Variants in ADCY8 observed in about 807,000 individuals in gnomAD.
The protein encoded by ADCY8 is adenylate cyclase 8, also known as adenylate cyclase type 8.
In ADCY8, 51 loss-of-function variants were observed where a neutral mutation model predicts 119.7. The ratio of observed to expected loss-of-function variants is 0.43; its 90% CI spans 0.34 to 0.54. The LOEUF is 0.54. Among genes scored for constraint, ADCY8 ranks in the 20% least tolerant of loss-of-function variants. The pLI, the probability that ADCY8 is intolerant of heterozygous loss-of-function variation, is 0.03. For missense variants in ADCY8, 1,383 were observed against 1,598.8 expected (o/e 0.87, Z 2.30); for synonymous variants, 665 against 651.0 (o/e 1.02, Z -0.33).
At chr8:130,943,312 C>T (rs1241519583) in intron 4 of ADCY8, 39 bp downstream of exon 4, 4 of 1,424,182 alleles carry the variant, frequency 2.8e-6, no homozygotes, top group Non-Finnish European at 4.0e-6. Context: ...CAGTCCCTCA[C>T]TCCTGCAAAA....
chr8:131,002,161 A>G (rs2130764245), intron 1 of ADCY8, among the ~76,000 whole-genome samples: 1 of 152,382 alleles, frequency 6.6e-6, no homozygotes, highest in South Asian at 2.1e-4. Context: ...ACCTGGAAAC[A>G]GGAATACCTT....
rs73342426 is a variant in ADCY8, at chr8:130,806,904, A to G, written c.2914-6332T>C. On this transcript the variant is annotated intron_variant, in intron 14 of 17. Transcript: ENST00000286355. ...TGAGGGGCACACGGAGGAGCTCTGG[A>G]CAACCTACATACACCTTCCGAGACA... Among the ~76,000 whole-genome samples the G allele has an allele frequency of 1.5e-3, 231 of 152,262 alleles. 1 individual carries two copies. Among genetic ancestry groups the G allele is most frequent in the African/African-American group, 5.4e-3 (225 of 41,550 alleles).
At chr8:131,020,021 G>A (rs1237281220) in intron 1 of ADCY8, among the ~76,000 whole-genome samples, 1 of 152,112 alleles carries the variant, frequency 6.6e-6, no homozygotes, top group African/African-American at 2.4e-5. Flanking sequence ...AGGAAGAACA[G>A]AAACTTAGAC....
At chr8:131,031,698 T>C (rs2130810011) in intron 1 of ADCY8, among the ~76,000 whole-genome samples, 1 of 152,298 alleles carries the variant, frequency 6.6e-6, no homozygotes, top group South Asian at 2.1e-4. Context: ...CCATCTTACA[T>C]TGCAACAAAA....
intron 7 of ADCY8, among the ~76,000 whole-genome samples, chr8:130,897,255 G>A (rs1013176023): frequency 1.3e-5 from 2 of 152,042 alleles, no homozygotes; most frequent in Non-Finnish European, 2.9e-5. Flanking sequence ...AATCAGATGA[G>A]AATTCTTCCT....
At chr8:130,807,983 C>CAAAAAA (rs752321769) in intron 14 of ADCY8, among the ~76,000 whole-genome samples, 479 of 47,212 alleles carry the variant, frequency 0.01, 50 homozygotes, top group East Asian at 0.021. Flanking sequence ...GACTCCGTCT[C>CAAAAAA]AAAAAAAAAA....
chr8:130,780,867 G>T lies in ADCY8; in HGVS notation c.3279C>A (p.His1093Gln). 1.2e-6 allele frequency: 2 copies of T among 1,613,316 alleles called. No homozygotes were observed. The highest frequency in any genetic ancestry group is 1.7e-6 in the Non-Finnish European group (2 of 1,179,334). Residue 1093 changes from histidine to glutamine, a missense_variant, in exon 18 of 18, where the codon CAC becomes CAA. By Grantham distance (24) the His-to-Gln change is conservative. This residue lies in a region of ADCY8 where 928 missense variants were observed against 1,163.5 expected (regional missense o/e 0.80). Coordinates refer to ENST00000286355, the MANE Select transcript of ADCY8 (RefSeq NM_001115.3). ...CGATAACGCCAGCTACCACTGAGCC[G>T]TGGCTGATGCCTGGGGGGTGAAGCA... The part of the protein sequence containing the change: ...NNFELRIGIS[H>Q]GSVVAGVIGA...
chr8:130,938,616 G>A (rs1447182339), intron 4 of ADCY8, among the ~76,000 whole-genome samples: 4 of 152,194 alleles, frequency 2.6e-5, no homozygotes, highest in African/African-American at 7.2e-5. Flanking sequence ...AAAGCACTGT[G>A]TTGGTTTCCC....
chr8:130,828,877 C>G (rs965076403), intron 12 of ADCY8, among the ~76,000 whole-genome samples: 1 of 152,100 alleles, frequency 6.6e-6, no homozygotes, highest in Non-Finnish European at 1.5e-5. Context: ...CACTTTAGCA[C>G]AGGTGATAAT....
Position 130,994,330 on chromosome 8 carries a change from T to G in ADCY8, c.961-3788A>C, listed in dbSNP as rs1360413210. ...ACTGCCAATTTCTCTGGGGCATTCTTTCTATGAACTTTTGTAAAGCACCAG... is the reference window on the plus strand; with the variant it reads ...ACTGCCAATTTCTCTGGGGCATTCTGTCTATGAACTTTTGTAAAGCACCAG... On this transcript the variant is annotated intron_variant, in intron 1 of 17. Coordinates refer to ENST00000286355, the MANE Select transcript of ADCY8 (RefSeq NM_001115.3). 2.6e-5 allele frequency among the ~76,000 whole-genome samples: 4 copies of G among 152,334 alleles called. No homozygotes were observed. In the East Asian group the frequency reaches 7.7e-4, roughly 29 times the overall value.
At chr8:130,987,184 TG>T (rs1435692637) in intron 2 of ADCY8, among the ~76,000 whole-genome samples, 1 of 152,184 alleles carries the variant, frequency 6.6e-6, no homozygotes, top group African/African-American at 2.4e-5. Flanking sequence ...ATGTGTTTTT[TG>T]CTCTTTATGG....
chr8:130,944,519 T>C (rs1469284656), intron 3 of ADCY8, among the ~76,000 whole-genome samples: 1 of 152,184 alleles, frequency 6.6e-6, no homozygotes, highest in Non-Finnish European at 1.5e-5. Flanking sequence ...ATGAAATAGG[T>C]AATTGGGCTA....
chr8:130,986,095 A>T (rs1455552573), intron 2 of ADCY8, among the ~76,000 whole-genome samples: 1 of 152,178 alleles, frequency 6.6e-6, no homozygotes, highest in East Asian at 1.9e-4. Flanking sequence ...AAAACTACTA[A>T]ATTAGAATCT....
At chr8:130,805,533 G>A (rs1815920588) in intron 14 of ADCY8, among the ~76,000 whole-genome samples, 2 of 152,140 alleles carry the variant, frequency 1.3e-5, no homozygotes, top group South Asian at 4.1e-4. Context: ...TATCCTGCTG[G>A]AGGTTGGAGA....
chr8:130,807,659 C>T (rs935160861), intron 14 of ADCY8, among the ~76,000 whole-genome samples: 5 of 152,152 alleles, frequency 3.3e-5, no homozygotes, highest in Admixed American at 2.0e-4. Context: ...ATTCTCCAGA[C>T]CTGGGAGGAA....
chr8:130,875,813 C>A lies in ADCY8; in HGVS notation c.2110-7867G>T, dbSNP rs568516027. Among the ~76,000 whole-genome samples the A allele has an allele frequency of 2.6e-5, 4 of 152,026 alleles. No homozygotes were observed. In the South Asian group the frequency reaches 6.2e-4, roughly 24 times the overall value. On this transcript the variant is annotated intron_variant, in intron 8 of 17. Coordinates refer to ENST00000286355, the MANE Select transcript of ADCY8 (RefSeq NM_001115.3). ...AGACATTCTGGACATAGCTAAGAAC[C>A]AATTGTACTGAGCCAAATAATTATC...
At chr8:130,922,222 T>TA (rs1820331847) in intron 5 of ADCY8, among the ~76,000 whole-genome samples, 1 of 151,552 alleles carries the variant, frequency 6.6e-6, no homozygotes, top group Non-Finnish European at 1.5e-5. Flanking sequence ...TTTTTTTTTT[T>TA]TTTTTAATTG....
intron 10 of ADCY8, among the ~76,000 whole-genome samples, 192 bp downstream of exon 10, chr8:130,849,410 T>G (rs1817440178): frequency 6.6e-6 from 1 of 152,110 alleles, no homozygotes; most frequent in Non-Finnish European, 1.5e-5. Flanking sequence ...AAATAGACAG[T>G]TTTCCAACAG....
At position 130,919,433 on chromosome 8, in the gene ADCY8, G is replaced by A. The variant is rs538140436; in HGVS notation, c.1482-9567C>T. ...GTCAACAGGAATTTCATGTAAAGGGGTTGATCTCTGAGTGCCAATGTGGCC... is the reference window on the plus strand; with the variant it reads ...GTCAACAGGAATTTCATGTAAAGGGATTGATCTCTGAGTGCCAATGTGGCC... On this transcript the variant is annotated intron_variant, in intron 5 of 17. Transcript: ENST00000286355. 9.2e-5 allele frequency among the ~76,000 whole-genome samples: 14 copies of A among 152,300 alleles called. No homozygotes were observed. In the South Asian group the frequency reaches 2.9e-3, roughly 32 times the overall value.
Sources: gnomAD v4.1 joint callset for allele counts (sites outside exome capture counted in the v4.1 genomes callset) on GRCh38, gnomAD v4.1.1 for gene constraint, gnomAD v4.1.1 regional missense constraint, MANE v1.5 for transcripts, NCBI Gene and HGNC (gene_info 2026-07-23, HGNC 2026-07-21) for gene names.